P3H2: variants seen among roughly 807,000 people sequenced by gnomAD.
P3H2 encodes the protein leprecan-like 1.
P3H2 carries 80 observed loss-of-function variants against 87.0 expected under a neutral mutation model. That is an observed-to-expected ratio of 0.92 (90% CI 0.77 to 1.11). The LOEUF is 1.11. Among genes scored for constraint, P3H2 ranks in the 50% least tolerant of loss-of-function variants. The probability of loss-of-function intolerance (pLI) is 0.00; values close to 1 mark genes in which losing one functional copy is unlikely to be tolerated. For missense variants in P3H2, 1,001 were observed against 923.9 expected, an observed-to-expected ratio of 1.08 and a Z score of -1.08; for synonymous variants, 367 against 359.3, an observed-to-expected ratio of 1.02 and a Z score of -0.24.
rs1401387418 is a variant in P3H2, at chr3:190,020,953, C to T, written c.481-25511G>A. On this transcript the variant is annotated intron_variant, in intron 1 of 14. Coordinates refer to ENST00000319332, the MANE Select transcript of P3H2 (RefSeq NM_018192.4). Reference sequence around the variant, plus strand: ...CTTTTAAGTATAGTTTAGTCCAAATCCTTCAGTTTTATAAAAAGAGAAACT... The same window carrying T: ...CTTTTAAGTATAGTTTAGTCCAAATTCTTCAGTTTTATAAAAAGAGAAACT... 1.5e-5 allele frequency among the ~76,000 whole-genome samples: 2 copies of T among 134,190 alleles called. 1 individual carries two copies. The highest frequency in any genetic ancestry group is 5.2e-5 in the African/African-American group (2 of 38,806). 88.0% of individuals were successfully genotyped at this position (134,190 alleles called of 152,430 possible). A position where few individuals can be genotyped will look rare whatever the true frequency, so the allele number is the denominator to read the frequency against.
At chr3:190,059,326 G>A (rs1485747032) in intron 1 of P3H2, among the ~76,000 whole-genome samples, 7 of 152,066 alleles carry the variant, frequency 4.6e-5, no homozygotes, top group African/African-American at 1.7e-4. Flanking sequence ...TTTGGCAACT[G>A]TATTCCAGGA....
chr3:190,025,944 A>C (rs1027165025), intron 1 of P3H2, among the ~76,000 whole-genome samples: 1 of 152,182 alleles, frequency 6.6e-6, no homozygotes, highest in African/African-American at 2.4e-5. Context: ...CCAAAATAAT[A>C]AGTGTTTGTC....
chr3:190,097,058 G>C (rs1345811637), intron 1 of P3H2, among the ~76,000 whole-genome samples: 1 of 152,090 alleles, frequency 6.6e-6, no homozygotes, highest in Non-Finnish European at 1.5e-5. Context: ...CTTGAGAATG[G>C]ACAAGCCATT....
chr3:189,989,026 TG>T lies in P3H2; in HGVS notation c.835del (p.Gln279ArgfsTer10), dbSNP rs1371169330. The part of the protein sequence containing the change: ...LYEAIADHYM[Q>X]VLVCQHECVR... ...ACATTCATGCTGACAAACAAGCACC[TG>T]CATGTAGTGATCTGGAAGACAAGAG... On this transcript the variant is annotated frameshift_variant, in exon 4 of 15. Transcript: ENST00000319332. LOFTEE classifies it high-confidence loss of function. 1 of 1,614,114 alleles carries T rather than the reference TG, an allele frequency of 6.2e-7. No individual in the cohort carries two copies. Among genetic ancestry groups the T allele is most frequent in the Admixed American group, 1.7e-5 (1 of 60,018 alleles).
At chr3:190,045,857 C>T (rs1023779963) in intron 1 of P3H2, among the ~76,000 whole-genome samples, 11 of 152,084 alleles carry the variant, frequency 7.2e-5, no homozygotes, top group African/African-American at 2.7e-4. Flanking sequence ...CACGGTGGCT[C>T]ACACCTGTAA....
intron 1 of P3H2, among the ~76,000 whole-genome samples, chr3:190,044,677 T>C (rs143083567): frequency 3.3e-5 from 5 of 152,336 alleles, no homozygotes; most frequent in East Asian, 1.9e-4. Flanking sequence ...GAAAATACAA[T>C]GGTACAAGCT....
intron 1 of P3H2, among the ~76,000 whole-genome samples, chr3:190,087,188 A>G (rs1049119968): frequency 1.3e-5 from 2 of 152,202 alleles, no homozygotes; most frequent in South Asian, 4.1e-4. Flanking sequence ...CTATAAAAAT[A>G]CTTTTCAAAT....
chr3:189,991,950 G>A (rs1391823552), intron 3 of P3H2, among the ~76,000 whole-genome samples: 1 of 152,136 alleles, frequency 6.6e-6, no homozygotes, highest in African/African-American at 2.4e-5. Context: ...AAGGGGTGGA[G>A]GGAGTTAGGA....
At chr3:189,988,702 C>T (rs537959973) in intron 4 of P3H2, among the ~76,000 whole-genome samples, 1 of 152,210 alleles carries the variant, frequency 6.6e-6, no homozygotes, top group African/African-American at 2.4e-5. Flanking sequence ...AGTAAATTAT[C>T]ACAGCATTAA....
chr3:190,002,688 C>T (rs1178719746), intron 1 of P3H2, among the ~76,000 whole-genome samples: 2 of 152,152 alleles, frequency 1.3e-5, no homozygotes, highest in Non-Finnish European at 2.9e-5. Context: ...CGTGAGCCAC[C>T]GTGCCCGGCA....
At chr3:190,108,991 T>C (rs1711962544) in intron 1 of P3H2, among the ~76,000 whole-genome samples, 1 of 152,244 alleles carries the variant, frequency 6.6e-6, no homozygotes, top group Non-Finnish European at 1.5e-5. Context: ...AAGGCAGAAG[T>C]GTCTCAATAG....
intron 8 of P3H2, 63 bp from the exon 9 acceptor site, chr3:189,974,748 A>T (rs1723298121): frequency 5.0e-6 from 8 of 1,600,002 alleles, no homozygotes; most frequent in Non-Finnish European, 6.9e-6. Context: ...AGCACAGAAT[A>T]CCAAACAGCT....
intron 13 of P3H2, chr3:189,969,731 A>C (rs1195905593): frequency 1.3e-6 from 2 of 1,519,136 alleles, no homozygotes; most frequent in Admixed American, 1.7e-5. Context: ...CAAAATTAAG[A>C]CATCAAATGG....
chr3:190,085,117 C>T (rs1003570519), intron 1 of P3H2, among the ~76,000 whole-genome samples: 2 of 152,058 alleles, frequency 1.3e-5, no homozygotes, highest in African/African-American at 4.8e-5. Context: ...TGGTGAAATT[C>T]TCATCTGTGG....
chr3:189,987,670 C>T lies in P3H2; in HGVS notation c.956-1G>A, dbSNP rs1723750003. On this transcript the variant is annotated splice_acceptor_variant, in intron 4 of 14. Transcript: ENST00000319332. LOFTEE classifies it high-confidence loss of function. ...TCCAGGGCTTTCACATACTCACCAA[C>T]TGAAAGACAAAGGAGTTGCAGCATT... 4.3e-6 allele frequency: 7 copies of T among 1,613,960 alleles called. No individual in the cohort carries two copies. The highest frequency in any genetic ancestry group is 5.9e-6 in the Non-Finnish European group (7 of 1,179,936).
intron 1 of P3H2, among the ~76,000 whole-genome samples, chr3:190,080,478 G>A (rs981889668): frequency 6.6e-6 from 1 of 151,916 alleles, no homozygotes; most frequent in African/African-American, 2.4e-5. Flanking sequence ...TTGGCTCACC[G>A]CAACCTCTGC....
Position 189,987,570 on chromosome 3 carries a change from A to C in P3H2, c.1055T>G (p.Leu352Arg), listed in dbSNP as rs1723745085. 3 of 1,613,996 alleles carry C rather than the reference A, an allele frequency of 1.9e-6. No individual in the cohort carries two copies. In the South Asian group the frequency reaches 3.3e-5, roughly 18 times the overall value. The change falls in exon 5 of 15, where the codon CTG (leucine) becomes CGG (arginine). Residue 352 changes from leucine (L) to arginine (R), a missense_variant. Physicochemically the swap from Leu to Arg is moderately radical, Grantham distance 102 (BLOSUM62 -2). Transcript: ENST00000319332. Reference protein sequence around the residue: ...VLDNVDYYESLLDDSIDPASI... With the variant: ...VLDNVDYYESRLDDSIDPASI... The stretch of plus-strand genomic sequence containing the variant: ...TGCCGGGTCAATGCTATCATCCAGC[A>C]GACTCTCATAGTAATCCACATTGTC...
chr3:190,098,347 T>G (rs1711503865), intron 1 of P3H2, among the ~76,000 whole-genome samples: 1 of 152,154 alleles, frequency 6.6e-6, no homozygotes, highest in African/African-American at 2.4e-5. Flanking sequence ...ACAGTTTAGG[T>G]TCCAAATGAC....
chr3:190,057,455 C>T lies in P3H2; in HGVS notation c.481-62013G>A, dbSNP rs190833016. Among the ~76,000 whole-genome samples the T allele has an allele frequency of 4.1e-3, 620 of 152,294 alleles. 5 individuals are homozygous for T. Among genetic ancestry groups the T allele is most frequent in the African/African-American group, 0.014 (580 of 41,564 alleles). ...ATCATGTCTGGAATGAAATTCTCTGCTCCTTCTCATGACTTTCTTCTAAGG... is the reference window on the plus strand; with the variant it reads ...ATCATGTCTGGAATGAAATTCTCTGTTCCTTCTCATGACTTTCTTCTAAGG... On this transcript the variant is annotated intron_variant, in intron 1 of 14. Coordinates refer to ENST00000319332, the MANE Select transcript of P3H2 (RefSeq NM_018192.4).
Sources: gnomAD v4.1 joint callset for allele counts (sites outside exome capture counted in the v4.1 genomes callset) on GRCh38, gnomAD v4.1.1 for gene constraint, MANE v1.5 for transcripts, NCBI Gene and HGNC (gene_info 2026-07-23, HGNC 2026-07-21) for gene names.